GOLPH3: variants seen among roughly 807,000 people sequenced by gnomAD.
The protein encoded by GOLPH3 is coat protein GPP34.
GOLPH3 carries 14 observed loss-of-function variants against 28.5 expected under a neutral mutation model. The ratio of observed to expected loss-of-function variants is 0.49; its 90% CI spans 0.32 to 0.77. The LOEUF (loss-of-function observed/expected upper bound fraction) is 0.77, where lower values mean the gene tolerates loss of function less well. Ranked by LOEUF, GOLPH3 falls within the 30% of genes least tolerant of loss-of-function variation. GOLPH3 has a pLI of 0.03. For synonymous variants in GOLPH3, 158 were observed against 159.2 expected (o/e 0.99, Z 0.06); for missense variants, 350 against 393.7 (o/e 0.89, Z 0.94).
intron 1 of GOLPH3, among the ~76,000 whole-genome samples, chr5:32,149,455 T>C (rs937264089): frequency 1.3e-5 from 2 of 152,216 alleles, no homozygotes; most frequent in African/African-American, 4.8e-5. Flanking sequence ...TGTACAAATC[T>C]GAAAACCTTG....
At chr5:32,166,958 C>G (rs1463520207) in intron 1 of GOLPH3, among the ~76,000 whole-genome samples, 1 of 150,408 alleles carries the variant, frequency 6.6e-6, no homozygotes, top group African/African-American at 2.5e-5. Context: ...AAAAGTTATG[C>G]TGTTAGAAGG....
At chr5:32,155,069 C>T (rs1234722150) in intron 1 of GOLPH3, among the ~76,000 whole-genome samples, 2 of 139,816 alleles carry the variant, frequency 1.4e-5, no homozygotes, top group African/African-American at 2.8e-5. Flanking sequence ...ACTGCAATCC[C>T]GCCTGGGCGA....
intron 1 of GOLPH3, among the ~76,000 whole-genome samples, chr5:32,171,454 C>G (rs1161620346): frequency 6.6e-6 from 1 of 151,578 alleles, no homozygotes; most frequent in East Asian, 1.9e-4. Flanking sequence ...TATAATTTCT[C>G]AGTGTGACTC....
At chr5:32,166,903 A>C (rs1746726706) in intron 1 of GOLPH3, among the ~76,000 whole-genome samples, 2 of 151,638 alleles carry the variant, frequency 1.3e-5, no homozygotes, top group Admixed American at 6.6e-5. Context: ...CTAAACAAAG[A>C]CTACAGCATA....
Position 32,143,878 on chromosome 5 carries a change from AC to A in GOLPH3, c.227del (p.Gly76ValfsTer19). ...VLLLGLKDRE[G>X]YTSFWNDCIS... is the part of the protein sequence containing the mutation. Reference sequence around the variant, plus strand: ...TACAGTCATTCCAAAATGATGTGTAACCCTATTAAAAAAAGAAGAAGAAATA... The same window carrying A: ...TACAGTCATTCCAAAATGATGTGTAACCTATTAAAAAAAGAAGAAGAAATA... On this transcript the variant is annotated frameshift_variant and splice_region_variant, in exon 2 of 4. Transcript: ENST00000265070. LOFTEE classifies it high-confidence loss of function. 1 of 1,529,822 alleles carries A rather than the reference AC, an allele frequency of 6.5e-7. No individual in the cohort carries two copies. Among genetic ancestry groups the A allele is most frequent in the Non-Finnish European group, 8.7e-7 (1 of 1,144,236 alleles). 94.8% of individuals were successfully genotyped at this position (1,529,822 alleles called of 1,614,324 possible).
At chr5:32,171,218 C>A (rs1434953133) in intron 1 of GOLPH3, among the ~76,000 whole-genome samples, 1 of 152,112 alleles carries the variant, frequency 6.6e-6, no homozygotes, top group Admixed American at 6.6e-5. Flanking sequence ...CTGGGCCACA[C>A]TGGAAGAACT....
chr5:32,172,477 A>T (rs1746859038), intron 1 of GOLPH3, among the ~76,000 whole-genome samples: 1 of 151,818 alleles, frequency 6.6e-6, no homozygotes, highest in Non-Finnish European at 1.5e-5. Flanking sequence ...CAGGCGGATC[A>T]CTAGGTCAAG....
chr5:32,164,124 C>G (rs1746654039), intron 1 of GOLPH3, among the ~76,000 whole-genome samples: 1 of 152,150 alleles, frequency 6.6e-6, no homozygotes, highest in Admixed American at 6.6e-5. Flanking sequence ...TAAAATTGTT[C>G]CTCTTCCTAC....
intron 3 of GOLPH3, among the ~76,000 whole-genome samples, chr5:32,128,528 A>T (rs1745747217): frequency 6.6e-6 from 1 of 152,204 alleles, no homozygotes; most frequent in Non-Finnish European, 1.5e-5. Context: ...GCATCGTGGC[A>T]GTTGCCTGTA....
chr5:32,173,134 G>A (rs1171164257), intron 1 of GOLPH3, among the ~76,000 whole-genome samples: 1 of 151,886 alleles, frequency 6.6e-6, no homozygotes, highest in East Asian at 1.9e-4. Flanking sequence ...TTCTTAAGAC[G>A]GCAAGACTTT....
intron 2 of GOLPH3, among the ~76,000 whole-genome samples, chr5:32,142,620 C>T (rs1364035108): frequency 1.4e-5 from 2 of 143,696 alleles, no homozygotes; most frequent in Admixed American, 6.8e-5. Context: ...GCCCCCTGCC[C>T]GGCCAGCCGC....
Position 32,135,650 on chromosome 5 carries a change from G to C in GOLPH3, c.394C>G (p.Leu132Val). 1.2e-6 allele frequency: 2 copies of C among 1,613,632 alleles called. No homozygotes were observed. The highest frequency in any genetic ancestry group is 1.1e-5 in the South Asian group (1 of 91,066). The change falls in exon 3 of 4, where the codon CTT becomes GTT. Residue 132 changes from leucine (L) to valine (V), a missense_variant. By Grantham distance (32) the Leu-to-Val change is conservative (BLOSUM62 1). Coordinates refer to ENST00000265070, the MANE Select transcript of GOLPH3 (RefSeq NM_022130.4). ...CKSDAPTGDV[L>V]LDEALKHVKE... ...ACATGCTTCAGAGCTTCATCAAGAA[G>C]AACATCCCCTGTTGGAGCATCTGAC...
Position 32,126,101 on chromosome 5 carries a change from CAG to C in GOLPH3, c.*109_*110del. The C allele has an allele frequency of 8.7e-7, 1 of 1,146,466 alleles. No individual in the cohort carries two copies. Among genetic ancestry groups the C allele is most frequent in the South Asian group, 1.6e-5 (1 of 63,198 alleles). The allele number at this position is 1,146,466 out of a possible 1,614,324, so 71.0% of individuals were successfully genotyped here. A position where few individuals can be genotyped will look rare whatever the true frequency, so the allele number is the denominator to read the frequency against. The stretch of plus-strand genomic sequence containing the variant: ...AAAAGCCACCCACCATTTTGTAAAA[CAG>C]AAGCCAATTATAGTGTGGGAAAGTA... On this transcript the variant is annotated 3_prime_UTR_variant, in exon 4 of 4. Coordinates refer to ENST00000265070, the MANE Select transcript of GOLPH3 (RefSeq NM_022130.4).
chr5:32,134,296 C>G (rs572223978), intron 3 of GOLPH3, among the ~76,000 whole-genome samples: 1 of 152,144 alleles, frequency 6.6e-6, no homozygotes, highest in Admixed American at 6.5e-5. Context: ...ACCTCCGTCT[C>G]CTAGGCTCAA....
rs77885344 is a variant in GOLPH3 at position 32,167,966 on chromosome 5, G to A, written c.225+5844C>T. 7.0e-3 allele frequency among the ~76,000 whole-genome samples: 1,062 copies of A among 152,118 alleles called. 15 individuals are homozygous for A. The highest frequency in any genetic ancestry group is 0.025 in the African/African-American group (1,018 of 41,510). The stretch of plus-strand genomic sequence containing the variant: ...TAGGCCCTGTCTCAAAAGAAAAAAA[G>A]TACAATCAAATAGTTTAATGAACTT... On this transcript the variant is annotated intron_variant, in intron 1 of 3. Coordinates refer to ENST00000265070, the MANE Select transcript of GOLPH3 (RefSeq NM_022130.4).
At chr5:32,156,164 T>C (rs1023549004) in intron 1 of GOLPH3, among the ~76,000 whole-genome samples, 2 of 151,752 alleles carry the variant, frequency 1.3e-5, no homozygotes, top group Non-Finnish European at 2.9e-5. Flanking sequence ...ACCAATTTCT[T>C]GTTCTTGAAC....
At chr5:32,166,454 G>A (rs1746711384) in intron 1 of GOLPH3, among the ~76,000 whole-genome samples, 1 of 152,090 alleles carries the variant, frequency 6.6e-6, no homozygotes, top group African/African-American at 2.4e-5. Flanking sequence ...GAAACCTGAA[G>A]CCAAAAACAT....
At chr5:32,171,321 G>A (rs1437236552) in intron 1 of GOLPH3, among the ~76,000 whole-genome samples, 1 of 151,876 alleles carries the variant, frequency 6.6e-6, no homozygotes. Flanking sequence ...AATGTTTTAA[G>A]AAAATTTACC....
chr5:32,128,745 C>G (rs1561655411), intron 3 of GOLPH3, among the ~76,000 whole-genome samples: 1 of 151,810 alleles, frequency 6.6e-6, no homozygotes, highest in Non-Finnish European at 1.5e-5. Flanking sequence ...ATTCAACACT[C>G]TTTAAAGAAA....
Sources: allele counts gnomAD v4.1 joint callset (sites outside exome capture counted in the v4.1 genomes callset), GRCh38; gene constraint gnomAD v4.1.1; transcripts MANE v1.5; gene names NCBI Gene and HGNC (gene_info 2026-07-23, HGNC 2026-07-21).